PRKCH: variants seen among roughly 807,000 people sequenced by gnomAD.
PRKCH encodes the protein protein kinase C eta type.
A neutral mutation model predicts 82.5 loss-of-function variants in PRKCH; 28 were observed. The ratio of observed to expected loss-of-function variants is 0.34; its 90% confidence interval spans 0.25 to 0.47. PRKCH has a LOEUF of 0.47. Ranked by LOEUF, PRKCH falls within the 20% of genes least tolerant of loss-of-function variation. PRKCH has a pLI of 1.00. For synonymous variants in PRKCH, 322 were observed against 327.4 expected (o/e 0.98, Z 0.18); for missense variants, 705 against 881.8 (o/e 0.80, Z 2.54).
chr14:61,536,100 C>T (rs1278492204), intron 12 of PRKCH, among the ~76,000 whole-genome samples: 2 of 152,216 alleles, frequency 1.3e-5, no homozygotes, highest in East Asian at 1.9e-4. Flanking sequence ...ATGTGAGCCA[C>T]ATACAAGCTC....
At chr14:61,515,861 T>C (rs2042819359) in intron 10 of PRKCH, among the ~76,000 whole-genome samples, 1 of 152,182 alleles carries the variant, frequency 6.6e-6, no homozygotes, top group Non-Finnish European at 1.5e-5. Flanking sequence ...TTCTTGTTGA[T>C]GAATAAATAA....
At chr14:61,246,245 G>GA (rs59852160) in intron 1 of PRKCH, among the ~76,000 whole-genome samples, 2,226 of 125,950 alleles carry the variant, frequency 0.018, 21 homozygotes, top group African/African-American at 0.035. Flanking sequence ...ATCTCTACTG[G>GA]AAAAAAAAAA....
intron 9 of PRKCH, among the ~76,000 whole-genome samples, chr14:61,475,183 A>G (rs1885676872): frequency 6.6e-6 from 1 of 152,242 alleles, no homozygotes; most frequent in Non-Finnish European, 1.5e-5. Flanking sequence ...CAAGCCCTAT[A>G]CAAACTAAGT....
At position 61,550,114 on chromosome 14, in the gene PRKCH, C is replaced by A; in HGVS notation, c.*283C>A. On this transcript the variant is annotated 3_prime_UTR_variant, in exon 14 of 14. Coordinates refer to ENST00000332981, the MANE Select transcript of PRKCH (RefSeq NM_006255.5). ...TGTGGGCTTGGGATGTTAACAGGAG[C>A]CAAAAGGAGGGAAAGTGTGAAGAAT... 6.9e-6 allele frequency: 2 copies of A among 290,744 alleles called. No individual in the cohort carries two copies. The highest frequency in any genetic ancestry group is 1.3e-5 in the Non-Finnish European group (2 of 155,978). 18.0% of individuals were successfully genotyped at this position (290,744 alleles called of 1,614,324 possible).
chr14:61,514,754 A>G (rs1208335212), intron 10 of PRKCH, among the ~76,000 whole-genome samples: 2 of 152,100 alleles, frequency 1.3e-5, no homozygotes, highest in Non-Finnish European at 1.5e-5. Flanking sequence ...ACTGAAGGGA[A>G]CCCCGAAATA....
rs200648101 is a variant in PRKCH, at chr14:61,329,417, GT to G, written c.363+6954del. Among the ~76,000 whole-genome samples the G allele has an allele frequency of 9.4e-3, 1,426 of 151,808 alleles. 29 individuals are homozygous for G. The highest frequency in any genetic ancestry group is 0.032 in the African/African-American group (1,337 of 41,394). ...CGCCTGGCTAATTTTTATATTTTTG[GT>G]AGAGACAGGGTTTTGCCATGTTGGC... On this transcript the variant is annotated intron_variant, in intron 1 of 13. Transcript: ENST00000332981.
intron 5 of PRKCH, 39 bp from the exon 6 acceptor site, chr14:61,450,803 G>T (rs1486596119): frequency 1.2e-6 from 2 of 1,601,968 alleles, no homozygotes; most frequent in South Asian, 1.1e-5. Context: ...ACATTGGTAT[G>T]ACATTTTAGC....
At chr14:61,469,875 A>G (rs552478911) in intron 9 of PRKCH, among the ~76,000 whole-genome samples, 44 of 152,210 alleles carry the variant, frequency 2.9e-4, no homozygotes, top group African/African-American at 9.9e-4. Context: ...CTTGCAAGGC[A>G]TAGGGCTCGC....
At chr14:61,532,181 T>TA (rs3837623) in intron 12 of PRKCH, among the ~76,000 whole-genome samples, 4,617 of 152,308 alleles carry the variant, frequency 0.03, 242 homozygotes, top group East Asian at 0.26. Flanking sequence ...TGTAGCTGAT[T>TA]TAGTAGTTTT....
chr14:61,405,566 T>C (rs1261945770), intron 2 of PRKCH, among the ~76,000 whole-genome samples: 2 of 152,128 alleles, frequency 1.3e-5, no homozygotes, highest in Non-Finnish European at 2.9e-5. Context: ...TTAGTAGAGA[T>C]GGGGCTTCAC....
In PRKCH at chr14:61,529,072, C is replaced by T. The variant is rs374439311; in HGVS notation, c.1434-3C>T. On this transcript the variant is annotated splice_region_variant and splice_polypyrimidine_tract_variant and intron_variant, in intron 10 of 13. Coordinates refer to ENST00000332981, the MANE Select transcript of PRKCH (RefSeq NM_006255.5). The stretch of plus-strand genomic sequence containing the variant: ...ATCTCGTGCTGCTCTTTGTATCTTT[C>T]AGAGATCTGAAACTGGACAATGTCC... 4 of 1,608,922 alleles carry T rather than the reference C, an allele frequency of 2.5e-6. No individual in the cohort carries two copies. In the African/African-American group the frequency reaches 4.1e-5, roughly 16 times the overall value.
intron 1 of PRKCH, among the ~76,000 whole-genome samples, chr14:61,272,919 C>T (rs1354111720): frequency 6.6e-6 from 1 of 152,162 alleles, no homozygotes; most frequent in Non-Finnish European, 1.5e-5. Context: ...GCCTGCTTTA[C>T]TGGCTGAGGG....
At chr14:61,528,256 C>T (rs1250091401) in intron 10 of PRKCH, among the ~76,000 whole-genome samples, 2 of 151,986 alleles carry the variant, frequency 1.3e-5, no homozygotes, top group East Asian at 1.9e-4. Context: ...TTCAGTGATG[C>T]ACTCTCAGCT....
chr14:61,217,361 A>G (rs1311543871), intron 1 of PRKCH, among the ~76,000 whole-genome samples: 2 of 152,162 alleles, frequency 1.3e-5, no homozygotes, highest in African/African-American at 4.8e-5. Context: ...GCAGTGAGCC[A>G]TGTTCATGCC....
At position 61,550,146 on chromosome 14, in the gene PRKCH, GAT is replaced by G; in HGVS notation, c.*316_*317del. On this transcript the variant is annotated 3_prime_UTR_variant, in exon 14 of 14. Coordinates refer to ENST00000332981, the MANE Select transcript of PRKCH (RefSeq NM_006255.5). Reference sequence around the variant, plus strand: ...GAGGGAAAGTGTGAAGAATAAAGTAGATCTGAGAAATTCTGAGCCAATCAGGC... The same window carrying G: ...GAGGGAAAGTGTGAAGAATAAAGTAGCTGAGAAATTCTGAGCCAATCAGGC... The G allele has an allele frequency of 4.3e-6, 1 of 230,514 alleles. No individual in the cohort carries two copies. Among genetic ancestry groups the G allele is most frequent in the Non-Finnish European group, 8.5e-6 (1 of 117,546 alleles). The allele number at this position is 230,514 out of a possible 1,614,324, so 14.3% of individuals were successfully genotyped here. A position where few individuals can be genotyped will look rare whatever the true frequency, so the allele number is the denominator to read the frequency against.
intron 2 of PRKCH, among the ~76,000 whole-genome samples, chr14:61,441,078 T>G (rs1432145117): frequency 9.1e-6 from 1 of 109,374 alleles, no homozygotes; most frequent in African/African-American, 3.3e-5. Context: ...AAAATTTTTT[T>G]TGGTAGAGAA....
At chr14:61,439,089 A>G (rs1883818045) in intron 2 of PRKCH, among the ~76,000 whole-genome samples, 1 of 151,458 alleles carries the variant, frequency 6.6e-6, no homozygotes, top group African/African-American at 2.4e-5. Context: ...GCTGCAGAGC[A>G]TGTTAGGGTT....
chr14:61,521,640 T>C (rs1255726886), intron 10 of PRKCH, among the ~76,000 whole-genome samples: 1 of 152,090 alleles, frequency 6.6e-6, no homozygotes, highest in African/African-American at 2.4e-5. Flanking sequence ...TGATCATGGC[T>C]CACTGCAGCC....
intron 2 of PRKCH, among the ~76,000 whole-genome samples, chr14:61,435,704 A>AAATGAATGAATG (rs3837626): frequency 2.7e-5 from 4 of 150,560 alleles, no homozygotes; most frequent in East Asian, 2.0e-4. Context: ...ATCTCAATAT[A>AAATGAATGAATG]AATGAATGAA....
Sources: allele counts gnomAD v4.1 joint callset (sites outside exome capture counted in the v4.1 genomes callset), GRCh38; gene constraint gnomAD v4.1.1; transcripts MANE v1.5; gene names NCBI Gene and HGNC (gene_info 2026-07-23, HGNC 2026-07-21).